The following PCDHGA2 variants were observed in gnomAD, a reference collection of about 807,000 sequenced individuals.
PCDHGA2 encodes the protein protocadherin gamma-A2.
In PCDHGA2, 40 loss-of-function variants were observed where a neutral mutation model predicts 59.2. The ratio of observed to expected loss-of-function variants is 0.68; its 90% CI spans 0.52 to 0.88. The LOEUF (loss-of-function observed/expected upper bound fraction) is 0.88, where lower values mean the gene tolerates loss of function less well. Among genes scored for constraint, PCDHGA2 ranks in the 40% least tolerant of loss-of-function variants. The probability of loss-of-function intolerance (pLI) is 0.00; values close to 1 mark genes in which losing one functional copy is unlikely to be tolerated. For synonymous variants in PCDHGA2, 560 were observed against 526.0 expected, an observed-to-expected ratio of 1.06 and a Z score of -0.89; for missense variants, 1,226 against 1,204.0, an observed-to-expected ratio of 1.02 and a Z score of -0.27.
rs375307919 is a variant in PCDHGA2, at chr5:141,371,297, C to T, written c.2424+29902C>T. ...AGCTGGACAGTAAAACGGGGGAACT[C>T]ACCACTATTGGAGAACTGGACTTTG... On this transcript the variant is annotated intron_variant, in intron 1 of 3. Coordinates refer to ENST00000394576, the MANE Select transcript of PCDHGA2 (RefSeq NM_018915.4). 11 of 1,613,878 alleles carry T rather than the reference C, an allele frequency of 6.8e-6. No individual in the cohort carries two copies. The African/African-American group carries it at 1.5e-4, about 22-fold the overall frequency.
chr5:141,505,413 C>T lies in PCDHGA2; in HGVS notation c.2504C>T (p.Thr835Ile), dbSNP rs1240988786. ...CCCAGCTCCCAAAATGGCGATGACA[C>T]CGGCACCTGGCCCAACAACCAGTTT... is the stretch of plus-strand genomic sequence containing the variant. ...GTSGSQNGDD[T>I]GTWPNNQFDT... Residue 835 changes from threonine to isoleucine, a missense_variant, in exon 3 of 4, where the codon ACC becomes ATC. By Grantham distance (89) the Thr-to-Ile change is moderately conservative. Coordinates refer to ENST00000394576, the MANE Select transcript of PCDHGA2 (RefSeq NM_018915.4). 10 of 1,614,202 alleles carry T rather than the reference C, an allele frequency of 6.2e-6. No homozygotes were observed. Among genetic ancestry groups the T allele is most frequent in the Non-Finnish European group, 7.6e-6 (9 of 1,180,046 alleles).
intron 1 of PCDHGA2, chr5:141,415,504 C>G (rs1444248720): frequency 1.2e-6 from 2 of 1,614,216 alleles, no homozygotes; most frequent in South Asian, 2.2e-5. Flanking sequence ...CTTCCCCCAG[C>G]CCAATTATGC....
chr5:141,371,458 A>G, intron 1 of PCDHGA2: 2 of 1,613,996 alleles, frequency 1.2e-6, no homozygotes. Flanking sequence ...GAATCCCAAC[A>G]TATACAAGAA....
At chr5:141,420,234 T>G (rs766733064) in intron 1 of PCDHGA2, 1 of 1,600,030 alleles carries the variant, frequency 6.2e-7, no homozygotes, top group Non-Finnish European at 8.5e-7. Flanking sequence ...GCTAGCATTT[T>G]AACTCCCAGC....
intron 1 of PCDHGA2, chr5:141,415,400 C>T (rs754292889): frequency 2.5e-6 from 4 of 1,614,228 alleles, no homozygotes; most frequent in South Asian, 1.1e-5. Flanking sequence ...GTGTCCGGCT[C>T]GCACTTTGTG....
intron 2 of PCDHGA2, 106 bp downstream of exon 2, chr5:141,494,971 C>T (rs1244836841): frequency 1.3e-6 from 2 of 1,583,382 alleles, no homozygotes; most frequent in African/African-American, 1.3e-5. Context: ...ATGGCTTCTC[C>T]CTCAGTTTGA....
chr5:141,375,819 C>T, intron 1 of PCDHGA2: 2 of 1,614,190 alleles, frequency 1.2e-6, no homozygotes, highest in Admixed American at 1.7e-5. Context: ...GAGCTGGCGC[C>T]CCGCTCCGCA....
At chr5:141,344,177 C>T (rs754808139) in intron 1 of PCDHGA2, 2 of 1,614,030 alleles carry the variant, frequency 1.2e-6, no homozygotes, top group South Asian at 1.1e-5. Flanking sequence ...TGGGCAACAT[C>T]GCTAACGACC....
At chr5:141,360,050 A>G (rs1185756542) in intron 1 of PCDHGA2, 40 of 1,435,476 alleles carry the variant, frequency 2.8e-5, no homozygotes, top group Non-Finnish European at 3.5e-5. Flanking sequence ...AGAAAACAAA[A>G]GCAGGAAAAG....
Position 141,339,059 on chromosome 5 carries a change from C to A in PCDHGA2, c.88C>A (p.Gln30Lys). The change falls in exon 1 of 4, where the codon CAG becomes AAG. Residue 30 changes from glutamine to lysine, a missense_variant. Coordinates refer to ENST00000394576, the MANE Select transcript of PCDHGA2 (RefSeq NM_018915.4). ...GACCCTGTGGGAGGCCAGGGCCGGG[C>A]AGATTCGCTATTCTGTGCGGGAAGA... is the stretch of plus-strand genomic sequence containing the variant. ...LATLWEARAG[Q>K]IRYSVREEID... 1 of 1,612,422 alleles carries A rather than the reference C, an allele frequency of 6.2e-7. No individual in the cohort carries two copies. Among genetic ancestry groups the A allele is most frequent in the Non-Finnish European group, 8.5e-7 (1 of 1,178,530 alleles).
At chr5:141,367,872 ATTC>A (rs771117453) in intron 1 of PCDHGA2, 5 of 152,254 alleles carry the variant, frequency 3.3e-5, no homozygotes, top group African/African-American at 9.6e-5. Context: ...TGTAGGTGCA[ATTC>A]TTCTTTATTA....
At chr5:141,364,371 T>G in intron 1 of PCDHGA2, 1 of 1,572,068 alleles carries the variant, frequency 6.4e-7, no homozygotes, top group South Asian at 1.2e-5. Flanking sequence ...GGAGAGCTGC[T>G]GCTGCCCTTC....
chr5:141,482,562 C>A (rs1030078543), intron 1 of PCDHGA2, among the ~76,000 whole-genome samples: 68 of 142,616 alleles, frequency 4.8e-4, no homozygotes, highest in African/African-American at 1.8e-3. Flanking sequence ...TAATGGAGAT[C>A]TGCATAGCAT....
Position 141,438,619 on chromosome 5 carries a change from T to C in PCDHGA2, c.2425-56188T>C, listed in dbSNP as rs1053855444. Reference sequence around the variant, plus strand: ...ATATATATATATATATATATATATATATATATATATATATATACACACACA... The same window carrying C: ...ATATATATATATATATATATATATACATATATATATATATATACACACACA... On this transcript the variant is annotated intron_variant, in intron 1 of 3. Transcript: ENST00000394576. 1.0e-4 allele frequency among the ~76,000 whole-genome samples: 4 copies of C among 39,678 alleles called. No homozygotes were observed. The East Asian group carries it at 2.5e-3, about 25-fold the overall frequency. The allele number at this position is 39,678 out of a possible 152,430, so 26.0% of individuals were successfully genotyped here.
rs1772581943 is a variant in PCDHGA2, at chr5:141,376,341, A to G, written c.2424+34946A>G. 2 of 1,614,152 alleles carry G rather than the reference A, an allele frequency of 1.2e-6. No individual in the cohort carries two copies. The highest frequency in any genetic ancestry group is 1.7e-6 in the Non-Finnish European group (2 of 1,180,032). Reference sequence around the variant, plus strand: ...GGGGTTCGGGCTTTCCTGCAGACCTATTCCCACGAGGTCTCACTCACTGCA... The same window carrying G: ...GGGGTTCGGGCTTTCCTGCAGACCTGTTCCCACGAGGTCTCACTCACTGCA... On this transcript the variant is annotated intron_variant, in intron 1 of 3. Coordinates refer to ENST00000394576, the MANE Select transcript of PCDHGA2 (RefSeq NM_018915.4).
intron 1 of PCDHGA2, chr5:141,361,921 G>A (rs1392187094): frequency 3.7e-6 from 6 of 1,607,600 alleles, no homozygotes; most frequent in Non-Finnish European, 5.1e-6. Flanking sequence ...GGCGGTGGAC[G>A]CAGACTCAGG....
intron 1 of PCDHGA2, chr5:141,475,902 C>A (rs1296545944): frequency 1.7e-6 from 1 of 576,594 alleles, no homozygotes; most frequent in Non-Finnish European, 3.0e-6. Context: ...GTGCCGCTGT[C>A]GGCCAATGAA....
At chr5:141,410,849 C>CTTTTTCT (rs2095432763) in intron 1 of PCDHGA2, 1 of 129,786 alleles carries the variant, frequency 7.7e-6, no homozygotes, top group Non-Finnish European at 1.3e-5. Flanking sequence ...TTGTCTTTGT[C>CTTTTTCT]TTTTTTTTTT....
intron 1 of PCDHGA2, chr5:141,357,665 CAA>C (rs1263255857): frequency 5.0e-6 from 8 of 1,599,428 alleles, no homozygotes; most frequent in Non-Finnish European, 6.0e-6. Context: ...GAAATATAGA[CAA>C]AGAGTTGTGT....
Sources: gnomAD v4.1 joint callset for allele counts (sites outside exome capture counted in the v4.1 genomes callset) on GRCh38, gnomAD v4.1.1 for gene constraint, MANE v1.5 for transcripts, NCBI Gene and HGNC (gene_info 2026-07-23, HGNC 2026-07-21) for gene names.